PDE12: variants seen among roughly 807,000 people sequenced by gnomAD.
PDE12 encodes the protein phosphodiesterase 12, also known as 2',5'-phosphodiesterase 12.
Under a neutral mutation model 45.4 loss-of-function variants are expected in PDE12, and 26 were observed. The ratio of observed to expected loss-of-function variants is 0.57; its 90% CI spans 0.42 to 0.79. The LOEUF is 0.79. PDE12 is among the 30% of genes least tolerant of loss of function. The pLI is 0.00. For missense variants in PDE12, 668 were observed against 790.0 expected (o/e 0.85, Z 1.85); for synonymous variants, 283 against 323.9 (o/e 0.87, Z 1.36).
the PDE12 span, among the ~76,000 whole-genome samples, chr3:57,588,659 G>A: frequency 6.9e-6 from 1 of 145,490 alleles, no homozygotes; most frequent in African/African-American, 2.6e-5. Flanking sequence ...TCAGAGACCA[G>A]CCTGACCAAC....
chr3:57,595,980 A>G, the PDE12 span, among the ~76,000 whole-genome samples: 1 of 151,970 alleles, frequency 6.6e-6, no homozygotes, highest in Non-Finnish European at 1.5e-5. Context: ...AGAAAAATAA[A>G]ACCTCCTCCG....
the PDE12 span, chr3:57,596,814 A>G: frequency 2.2e-6 from 1 of 459,128 alleles, no homozygotes; most frequent in East Asian, 4.1e-5. Context: ...AGCTTTCAAT[A>G]AGATCAAGGA....
At chr3:57,589,816 G>A in the PDE12 span, among the ~76,000 whole-genome samples, 2 of 151,952 alleles carry the variant, frequency 1.3e-5, no homozygotes, top group African/African-American at 2.4e-5. Context: ...GATCCAGCCG[G>A]GCACGGTGGC....
chr3:57,650,112 A>G, the PDE12 span, among the ~76,000 whole-genome samples: 1 of 152,082 alleles, frequency 6.6e-6, no homozygotes, highest in Non-Finnish European at 1.5e-5. Flanking sequence ...CATAAGAATG[A>G]TACTATGAAC....
the PDE12 span, among the ~76,000 whole-genome samples, chr3:57,606,576 T>A: frequency 6.6e-6 from 1 of 152,146 alleles, no homozygotes; most frequent in African/African-American, 2.4e-5. Context: ...ATATGTAAAC[T>A]TTTTAATTTA....
At chr3:57,583,054 A>G in the PDE12 span, among the ~76,000 whole-genome samples, 4 of 152,180 alleles carry the variant, frequency 2.6e-5, no homozygotes, top group African/African-American at 9.7e-5. Context: ...ACAACCTACA[A>G]TGCATAGAGA....
chr3:57,607,337 T>TC, the PDE12 span, among the ~76,000 whole-genome samples: 1 of 151,858 alleles, frequency 6.6e-6, no homozygotes, highest in Admixed American at 6.6e-5. Flanking sequence ...AGAGCGCGTC[T>TC]CCCCCTCCGA....
At chr3:57,597,262 G>A in the PDE12 span, 155 of 984,374 alleles carry the variant, frequency 1.6e-4, 1 homozygote, top group Non-Finnish European at 2.0e-4. Context: ...GGAAGAAAGA[G>A]GGAGGCAGAA....
the PDE12 span, chr3:57,596,966 C>G: frequency 8.0e-7 from 1 of 1,249,892 alleles, no homozygotes. Context: ...GACCCGGCGC[C>G]CCTCCCCCAC....
At chr3:57,557,882 T>A (rs553529666) in intron 1 of PDE12, among the ~76,000 whole-genome samples, 195 bp downstream of exon 1, 1 of 152,338 alleles carries the variant, frequency 6.6e-6, no homozygotes, top group Non-Finnish European at 1.5e-5. Flanking sequence ...CTGGTGTGCC[T>A]GCCATACTGC....
At chr3:57,579,094 C>T in the PDE12 span, among the ~76,000 whole-genome samples, 3 of 151,510 alleles carry the variant, frequency 2.0e-5, no homozygotes, top group Non-Finnish European at 4.4e-5. Context: ...ATCAGGAGTT[C>T]GAGATCAGCC....
At chr3:57,591,969 T>TA in the PDE12 span, among the ~76,000 whole-genome samples, 4 of 152,132 alleles carry the variant, frequency 2.6e-5, no homozygotes, top group Non-Finnish European at 5.9e-5. Flanking sequence ...ATTCTGGAAT[T>TA]AGACAATGGT....
the PDE12 span, among the ~76,000 whole-genome samples, chr3:57,608,788 G>A: frequency 2.1e-4 from 32 of 152,070 alleles, no homozygotes; most frequent in African/African-American, 6.8e-4. Context: ...TAATAATAAC[G>A]GGAGCCTTTA....
At chr3:57,589,058 C>T in the PDE12 span, among the ~76,000 whole-genome samples, 1 of 151,024 alleles carries the variant, frequency 6.6e-6, no homozygotes, top group African/African-American at 2.4e-5. Flanking sequence ...GCTGAGATCG[C>T]GCCATTACAC....
At chr3:57,645,564 A>C in the PDE12 span, 1 of 825,266 alleles carries the variant, frequency 1.2e-6, no homozygotes. Flanking sequence ...TCCTTTTATA[A>C]GATCATTCTG....
Position 57,556,399 on chromosome 3 carries a change from C to T in PDE12, c.20C>T (p.Ala7Val). ...AGGTTCATGTGGAGGCTCCCAGGCG[C>T]CCGCGCCGCGCTTCGGGTGATCCGG... MWRLPG[A>V]RAALRVIRTA... Residue 7 changes from alanine (A) to valine (V), a missense_variant, in exon 1 of 3, where the codon GCC becomes GTC. Physicochemically the swap from Ala to Val is moderately conservative, Grantham distance 64 (BLOSUM62 0). Around this residue, in one of 3 missense-constraint regions of PDE12, gnomAD observed 580 missense variants for 662.9 expected, o/e 0.87. Coordinates refer to ENST00000311180, the MANE Select transcript of PDE12 (RefSeq NM_177966.7). The surrounding 1 kb of genome is among the most constrained non-coding windows in gnomAD (Gnocchi z 5.0). 6.3e-7 allele frequency: 1 copy of T among 1,593,250 alleles called. No homozygotes were observed. Among genetic ancestry groups the T allele is most frequent in the Non-Finnish European group, 8.5e-7 (1 of 1,170,364 alleles).
chr3:57,595,925 T>G, the PDE12 span, among the ~76,000 whole-genome samples: 1 of 150,792 alleles, frequency 6.6e-6, no homozygotes, highest in Non-Finnish European at 1.5e-5. Context: ...CACTCCAGCC[T>G]GGGTGACAAG....
downstream of PDE12, among the ~76,000 whole-genome samples, chr3:57,568,715 CT>C (rs1030671150): frequency 6.6e-6 from 1 of 151,428 alleles, no homozygotes; most frequent in African/African-American, 2.4e-5. Context: ...GCTACCATGC[CT>C]TTTTTATTTT....
chr3:57,593,255 T>C, the PDE12 span, among the ~76,000 whole-genome samples: 2 of 152,138 alleles, frequency 1.3e-5, no homozygotes, highest in African/African-American at 4.8e-5. Context: ...TATGACAGAA[T>C]AGTGGAATTA....
Sources: allele counts gnomAD v4.1 joint callset (sites outside exome capture counted in the v4.1 genomes callset), GRCh38; gene constraint gnomAD v4.1.1; regional missense constraint gnomAD v4.1.1; non-coding constraint Gnocchi (gnomAD v3.1); transcripts MANE v1.5; gene names NCBI Gene and HGNC (gene_info 2026-07-23, HGNC 2026-07-21).